The following MKLN1 variants were observed in gnomAD, a reference collection of about 807,000 sequenced individuals.
MKLN1 encodes the protein muskelin 1, also known as muskelin.
In MKLN1, 18 loss-of-function variants were observed where a neutral mutation model predicts 99.0. That is an observed-to-expected ratio of 0.18 (90% confidence interval 0.13 to 0.27). MKLN1 has a LOEUF of 0.27. Among genes scored for constraint, MKLN1 ranks in the 10% least tolerant of loss-of-function variants. The pLI is 1.00. For synonymous variants in MKLN1, 288 were observed against 293.2 expected (o/e 0.98, Z 0.18); for missense variants, 621 against 875.9 (o/e 0.71, Z 3.67).
intron 3 of MKLN1, among the ~76,000 whole-genome samples, chr7:131,209,384 A>G (rs768556868): frequency 2.6e-4 from 40 of 152,236 alleles, no homozygotes; most frequent in Non-Finnish European, 1.5e-4. Flanking sequence ...CAGGCCAACA[A>G]TGGCGGCTTG....
In MKLN1 at chr7:131,250,814, C is replaced by T. The variant is rs546070533; in HGVS notation, c.-179+47840C>T. ...AGCAGATGCCGACTCAGGCTAACTC[C>T]AAATGTACGTACACCATCTTAAGTC... On this transcript the variant is annotated intron_variant, in intron 3 of 7. Transcript: ENST00000416992. Among the ~76,000 whole-genome samples, 4 of 152,276 alleles carry T rather than the reference C, an allele frequency of 2.6e-5. No homozygotes were observed. In the East Asian group the frequency reaches 5.8e-4, roughly 22 times the overall value.
chr7:131,439,125 C>T (rs1795755762), intron 10 of MKLN1, among the ~76,000 whole-genome samples: 1 of 152,112 alleles, frequency 6.6e-6, no homozygotes, highest in African/African-American at 2.4e-5. Flanking sequence ...TATGCACATC[C>T]CTGCTGACAC....
At chr7:131,261,787 A>C (rs754938673) in intron 3 of MKLN1, among the ~76,000 whole-genome samples, 2 of 152,216 alleles carry the variant, frequency 1.3e-5, no homozygotes, top group African/African-American at 4.8e-5. Flanking sequence ...AAAATGTGGT[A>C]CATCTACACT....
intron 2 of MKLN1, among the ~76,000 whole-genome samples, chr7:131,201,307 A>G (rs1344280986): frequency 1.3e-5 from 2 of 152,312 alleles, no homozygotes; most frequent in African/African-American, 2.4e-5. Flanking sequence ...GGCGTGAGCC[A>G]CCATGCCCGG....
rs565851482 is a variant in MKLN1, at chr7:131,422,189, A to AAATT, written c.848-6843_848-6840dup. 1.7e-4 allele frequency among the ~76,000 whole-genome samples: 26 copies of AAATT among 152,332 alleles called. No homozygotes were observed. The East Asian group carries it at 4.6e-3, about 27-fold the overall frequency. On this transcript the variant is annotated intron_variant, in intron 8 of 17. Transcript: ENST00000352689. Reference sequence around the variant, plus strand: ...TAGGTGCAACATGTTGTCTGTTTGCAAATTTTTTCTAGGAAGAAAATCTGT... The same window carrying AAATT: ...TAGGTGCAACATGTTGTCTGTTTGCAAATTAATTTTTTCTAGGAAGAAAATCTGT...
intron 2 of MKLN1, among the ~76,000 whole-genome samples, chr7:131,197,435 A>C (rs1243020811): frequency 1.3e-5 from 2 of 149,212 alleles, no homozygotes; most frequent in African/African-American, 2.5e-5. Context: ...TATTTTGTAA[A>C]GACAGAGTCT....
At chr7:131,334,631 C>T (rs1457758083) in intron 1 of MKLN1, among the ~76,000 whole-genome samples, 1 of 152,080 alleles carries the variant, frequency 6.6e-6, no homozygotes, top group Non-Finnish European at 1.5e-5. Context: ...TTTGCGTTAA[C>T]TTTTAGGTAA....
At chr7:131,466,517 A>G in intron 15 of MKLN1, 102 bp downstream of exon 15, 5 of 770,542 alleles carry the variant, frequency 6.5e-6, no homozygotes, top group Non-Finnish European at 9.1e-6. Flanking sequence ...AAGATCATGA[A>G]TTTTGTAAAT....
intron 3 of MKLN1, among the ~76,000 whole-genome samples, chr7:131,216,997 A>C (rs532890794): frequency 1.2e-3 from 178 of 152,316 alleles, no homozygotes; most frequent in African/African-American, 4.1e-3. Flanking sequence ...TGAGGAAATG[A>C]GAGGCTAAAA....
At chr7:131,191,280 G>T (rs369774010) in intron 2 of MKLN1, among the ~76,000 whole-genome samples, 4 of 152,230 alleles carry the variant, frequency 2.6e-5, no homozygotes, top group African/African-American at 9.6e-5. Flanking sequence ...TTGCCAGAAG[G>T]CTGCTTACTC....
intron 3 of MKLN1, chr7:131,285,012 C>T (rs10954312): frequency 0.58 from 88,043 of 152,052 alleles, 27,998 homozygotes; most frequent in Admixed American, 0.71. Flanking sequence ...ATAAGTGATG[C>T]GTACTCTGAG....
At chr7:131,343,062 C>T (rs531006349) in intron 1 of MKLN1, among the ~76,000 whole-genome samples, 1 of 152,308 alleles carries the variant, frequency 6.6e-6, no homozygotes, top group South Asian at 2.1e-4. Context: ...TGCTGCAGAA[C>T]TGAAATTCAG....
intron 4 of MKLN1, among the ~76,000 whole-genome samples, chr7:131,391,268 T>G (rs1308068541): frequency 1.3e-5 from 2 of 152,198 alleles, no homozygotes; most frequent in East Asian, 3.8e-4. Flanking sequence ...AAAAAGCCTT[T>G]GAGTATTTTA....
intron 3 of MKLN1, among the ~76,000 whole-genome samples, chr7:131,215,324 A>G (rs1040651880): frequency 7.9e-5 from 12 of 152,234 alleles, no homozygotes; most frequent in Non-Finnish European, 1.3e-4. Context: ...GTGGGATTAC[A>G]GGCGTGAGCC....
intron 3 of MKLN1, among the ~76,000 whole-genome samples, chr7:131,298,556 C>T (rs2116613653): frequency 6.6e-6 from 1 of 152,318 alleles, no homozygotes; most frequent in East Asian, 1.9e-4. Flanking sequence ...ATACTTTTGG[C>T]TGATTTCACA....
At chr7:131,153,668 T>TTTTG (rs1563233047) in intron 2 of MKLN1, among the ~76,000 whole-genome samples, 1 of 147,508 alleles carries the variant, frequency 6.8e-6, no homozygotes, top group African/African-American at 2.5e-5. Context: ...TTTTTGGTTT[T>TTTTG]TTTTTTTTTT....
chr7:131,425,724 A>G (rs1795340604), intron 8 of MKLN1, among the ~76,000 whole-genome samples: 1 of 152,212 alleles, frequency 6.6e-6, no homozygotes, highest in Non-Finnish European at 1.5e-5. Context: ...CCCCAGATGT[A>G]CATGAATTAT....
intron 1 of MKLN1, among the ~76,000 whole-genome samples, chr7:131,367,054 CTG>C (rs1800204000): frequency 2.0e-5 from 3 of 152,068 alleles, no homozygotes; most frequent in Admixed American, 1.3e-4. Flanking sequence ...AAAATTAAAA[CTG>C]TATCCCATTT....
intron 2 of MKLN1, among the ~76,000 whole-genome samples, chr7:131,184,815 C>G (rs1329414258): frequency 6.6e-6 from 1 of 152,190 alleles, no homozygotes; most frequent in African/African-American, 2.4e-5. Context: ...CATGAGCCAC[C>G]ATGCCCGGCC....
Sources: allele counts gnomAD v4.1 joint callset (sites outside exome capture counted in the v4.1 genomes callset), GRCh38; gene constraint gnomAD v4.1.1; transcripts MANE v1.5; gene names NCBI Gene and HGNC (gene_info 2026-07-23, HGNC 2026-07-21).